Variants in ZBED6 observed in about 807,000 individuals in gnomAD.
ZBED6 encodes the protein zinc finger BED-type containing 6, also known as zinc finger BED domain-containing protein 6.
ZBED6 carries 40 observed loss-of-function variants against 58.4 expected under a neutral mutation model. The observed-to-expected ratio is 0.68, with a 90% confidence interval of 0.53 to 0.89. The LOEUF is 0.89. ZBED6 is among the 40% of genes least tolerant of loss of function. The pLI is 0.00. For synonymous variants in ZBED6, 439 were observed against 350.6 expected, an observed-to-expected ratio of 1.25 and a Z score of -2.82; for missense variants, 1,057 against 1,003.9, an observed-to-expected ratio of 1.05 and a Z score of -0.71.
exon 17 of ZBED6, chr1:203,852,430 A>T: frequency 6.2e-7 from 1 of 1,604,532 alleles, no homozygotes; most frequent in Non-Finnish European, 8.5e-7. Context: ...TAAAAAAAAA[A>T]TCGCCAAAAA....
intron 3 of ZBED6, among the ~76,000 whole-genome samples, chr1:203,823,719 T>C (rs568999691): frequency 1.3e-5 from 2 of 152,344 alleles, no homozygotes; most frequent in Admixed American, 1.3e-4. Context: ...TAAATACTTA[T>C]ACTTTTTACA....
intron 3 of ZBED6, among the ~76,000 whole-genome samples, chr1:203,819,574 G>C (rs1340487079): frequency 4.5e-5 from 4 of 88,492 alleles, no homozygotes; most frequent in Non-Finnish European, 8.7e-5. Context: ...TGCTCTTGTT[G>C]CCCAGGCTGG....
chr1:203,808,032 A>G (rs894958301), intron 1 of ZBED6, among the ~76,000 whole-genome samples: 2 of 152,006 alleles, frequency 1.3e-5, no homozygotes, highest in African/African-American at 4.8e-5. Flanking sequence ...GTGAGCCACC[A>G]TGCCTGGCCT....
At chr1:203,850,775 AC>A in intron 15 of ZBED6, 94 bp downstream of exon 15, 1 of 1,480,618 alleles carries the variant, frequency 6.8e-7, no homozygotes, top group East Asian at 2.5e-5. Context: ...TGAGTATATC[AC>A]TTCCTGGCAT....
chr1:203,816,075 T>C lies in ZBED6; in HGVS notation c.*2555-851T>C, dbSNP rs563567004. Among the ~76,000 whole-genome samples the C allele has an allele frequency of 1.8e-4, 27 of 152,338 alleles. No homozygotes were observed. In the South Asian group the frequency reaches 5.6e-3, roughly 32 times the overall value. On this transcript the variant is annotated intron_variant, in intron 1 of 16. Coordinates refer to ENST00000550078, the Ensembl canonical transcript of ZBED6. The stretch of plus-strand genomic sequence containing the variant: ...GATCGATAGACCTTTTCAGAAGTAA[T>C]TGTTTTCATCAGTTATTCTAGCTAA...
intron 1 of ZBED6, among the ~76,000 whole-genome samples, chr1:203,811,901 C>T (rs1487237756): frequency 6.6e-6 from 1 of 151,550 alleles, no homozygotes; most frequent in Non-Finnish European, 1.5e-5. Flanking sequence ...CTGCAACCTC[C>T]ACCTCCTGTG....
rs545537171 is a variant in ZBED6, at chr1:203,828,128, T to A, written c.*2874-171T>A. Among the ~76,000 whole-genome samples, 3 of 152,332 alleles carry A rather than the reference T, an allele frequency of 2.0e-5. No individual in the cohort carries two copies. In the East Asian group the frequency reaches 5.8e-4, roughly 29 times the overall value. On this transcript the variant is annotated intron_variant, in intron 3 of 16. Coordinates refer to ENST00000550078, the Ensembl canonical transcript of ZBED6. ...CTCTCCTGCTCCATTCAGCTCTCCATCATGCCTAAGTTATGTTATTTTCAG... is the reference window on the plus strand; with the variant it reads ...CTCTCCTGCTCCATTCAGCTCTCCAACATGCCTAAGTTATGTTATTTTCAG...
chr1:203,799,653 C>T lies in ZBED6; in HGVS notation c.2131C>T (p.Gln711Ter). The T allele has an allele frequency of 1.4e-6, 1 of 704,096 alleles. No individual in the cohort carries two copies. The highest frequency in any genetic ancestry group is 2.6e-6 in the Non-Finnish European group (1 of 386,116). 43.6% of individuals were successfully genotyped at this position (704,096 alleles called of 1,614,324 possible). ...GAGCGTGAAGACCGCAGGATTGAAT[C>T]AGGTGCTACCCCTAATCCATCATCT... is the stretch of plus-strand genomic sequence containing the variant. Residue 711 changes from glutamine to a stop codon, truncating the protein, a stop_gained, in exon 1 of 17, where the codon CAG becomes TAG. Coordinates refer to ENST00000550078, the Ensembl canonical transcript of ZBED6. LOFTEE classifies it high-confidence loss of function.
At chr1:203,806,803 G>A (rs937696922) in intron 1 of ZBED6, among the ~76,000 whole-genome samples, 3 of 130,090 alleles carry the variant, frequency 2.3e-5, no homozygotes, top group Admixed American at 2.3e-4. Context: ...CCAAGTTTTT[G>A]TTGAGTGGAT....
intron 1 of ZBED6, among the ~76,000 whole-genome samples, chr1:203,808,304 A>G (rs1673068562): frequency 6.6e-6 from 1 of 152,204 alleles, no homozygotes; most frequent in African/African-American, 2.4e-5. Flanking sequence ...TGAGAAGTCT[A>G]ATAATGTCAA....
chr1:203,816,287 A>T (rs536638606), intron 1 of ZBED6, among the ~76,000 whole-genome samples: 1 of 152,304 alleles, frequency 6.6e-6, no homozygotes, highest in African/African-American at 2.4e-5. Context: ...CTTTCAAATT[A>T]GTAGGCAAAA....
At chr1:203,811,289 CAA>C (rs1410918392) in intron 1 of ZBED6, among the ~76,000 whole-genome samples, 2 of 152,028 alleles carry the variant, frequency 1.3e-5, no homozygotes, top group African/African-American at 4.8e-5. Context: ...GCCTGGGCAA[CAA>C]GAGCAAAACT....
intron 3 of ZBED6, among the ~76,000 whole-genome samples, chr1:203,819,023 C>T (rs1226480842): frequency 2.7e-5 from 4 of 149,318 alleles, no homozygotes; most frequent in East Asian, 4.1e-4. Flanking sequence ...GAGCTGAGAT[C>T]GCACCACTGC....
chr1:203,798,413 A>G, exon 1 of ZBED6: 1 of 1,533,436 alleles, frequency 6.5e-7, no homozygotes, highest in African/African-American at 1.4e-5. Flanking sequence ...GGGGTAGGCC[A>G]GGGTCCCACT....
chr1:203,816,931 C>T (rs768559608), exon 2 of ZBED6: 77 of 561,592 alleles, frequency 1.4e-4, no homozygotes, highest in Non-Finnish European at 2.0e-4. Flanking sequence ...TTTAGGATTA[C>T]AGTTTAAAGA....
exon 1 of ZBED6, chr1:203,799,107 G>A: frequency 6.5e-7 from 1 of 1,535,024 alleles, no homozygotes; most frequent in Non-Finnish European, 8.7e-7. Context: ...TTGTGTTACA[G>A]GTTTGGCTAA....
At chr1:203,838,782 C>G (rs1426146705) in intron 10 of ZBED6, among the ~76,000 whole-genome samples, 3 of 151,946 alleles carry the variant, frequency 2.0e-5, no homozygotes, top group Non-Finnish European at 4.4e-5. Context: ...AAAACCCCAT[C>G]TTTACTAAAA....
chr1:203,801,903 G>A (rs1412456909), exon 1 of ZBED6: 1 of 152,060 alleles, frequency 6.6e-6, no homozygotes, highest in East Asian at 1.9e-4. Flanking sequence ...TTTACTAACT[G>A]GAGTAAATGT....
chr1:203,832,582 A>G (rs1572197788), intron 8 of ZBED6, among the ~76,000 whole-genome samples: 1 of 152,066 alleles, frequency 6.6e-6, no homozygotes, highest in South Asian at 2.1e-4. Context: ...ACTGGTCTTG[A>G]ACTGCTGGCC....
Sources: gnomAD v4.1 joint callset for allele counts (sites outside exome capture counted in the v4.1 genomes callset) on GRCh38, gnomAD v4.1.1 for gene constraint, MANE v1.5 for transcripts, NCBI Gene and HGNC (gene_info 2026-07-23, HGNC 2026-07-21) for gene names.